The following ERC2 variants were observed in gnomAD, a reference collection of about 807,000 sequenced individuals.
The protein encoded by ERC2 is ELKS/RAB6-interacting/CAST family member 2, also known as ERC protein 2.
A neutral mutation model predicts 114.8 loss-of-function variants in ERC2; 42 were observed. The observed-to-expected ratio is 0.37, with a 90% CI of 0.29 to 0.47. The LOEUF (loss-of-function observed/expected upper bound fraction) is 0.47, where lower values mean the gene tolerates loss of function less well. Ranked by LOEUF, ERC2 falls within the 20% of genes least tolerant of loss-of-function variation. The pLI, the probability that ERC2 is intolerant of heterozygous loss-of-function variation, is 0.99. For synonymous variants in ERC2, 454 were observed against 425.5 expected, an observed-to-expected ratio of 1.07 and a Z score of -0.82; for missense variants, 939 against 1,150.7, an observed-to-expected ratio of 0.82 and a Z score of 2.66.
At chr3:56,239,370 G>C (rs1266443802) in intron 3 of ERC2, among the ~76,000 whole-genome samples, 1 of 152,134 alleles carries the variant, frequency 6.6e-6, no homozygotes, top group African/African-American at 2.4e-5. Context: ...GCCAGGCATG[G>C]TGGCATGCGC....
intron 7 of ERC2, among the ~76,000 whole-genome samples, chr3:56,021,130 AC>A (rs1326103065): frequency 1.3e-5 from 2 of 152,186 alleles, no homozygotes; most frequent in African/African-American, 2.4e-5. Context: ...CAAAAAGATC[AC>A]CAAGAATGAC....
rs146863752 is a variant in ERC2, at chr3:55,771,456, G to T, written c.2565-36538C>A. On this transcript the variant is annotated intron_variant, in intron 14 of 17. Transcript: ENST00000288221. ...TGCACAGAAGGGGAAACTGAGTCTG[G>T]GAGCCCAGAGTTAGACAAAAGTTAG... Among the ~76,000 whole-genome samples, 367 of 152,274 alleles carry T rather than the reference G, an allele frequency of 2.4e-3. 1 individual carries two copies. The highest frequency in any genetic ancestry group is 8.3e-3 in the African/African-American group (344 of 41,560).
chr3:56,141,129 T>C (rs561656042), intron 5 of ERC2, among the ~76,000 whole-genome samples: 40 of 152,366 alleles, frequency 2.6e-4, no homozygotes, highest in South Asian at 8.3e-4. Flanking sequence ...TAATAACTTA[T>C]GTCACTGGTC....
intron 13 of ERC2, among the ~76,000 whole-genome samples, chr3:55,909,464 G>A (rs1007945793): frequency 3.9e-5 from 6 of 152,172 alleles, no homozygotes; most frequent in Non-Finnish European, 5.9e-5. Context: ...AATAAGCAGG[G>A]AGTAGCTGGG....
intron 3 of ERC2, among the ~76,000 whole-genome samples, chr3:56,187,837 C>T (rs766386144): frequency 5.9e-5 from 9 of 152,126 alleles, no homozygotes; most frequent in East Asian, 1.9e-4. Flanking sequence ...AATGTCAACT[C>T]GCTAGCCCTA....
intron 14 of ERC2, among the ~76,000 whole-genome samples, 188 bp from the exon 15 acceptor site, chr3:55,735,106 T>C (rs1165011846): frequency 6.6e-6 from 1 of 152,204 alleles, no homozygotes; most frequent in East Asian, 1.9e-4. Context: ...TCCCTGAGAC[T>C]GCACACTGCA....
intron 17 of ERC2, among the ~76,000 whole-genome samples, chr3:55,569,058 C>A (rs2056547092): frequency 6.6e-6 from 1 of 152,162 alleles, no homozygotes; most frequent in African/African-American, 2.4e-5. Context: ...CTCACGGAAG[C>A]ATTCCCTTGG....
At chr3:55,819,560 AT>A (rs2060037630) in intron 14 of ERC2, among the ~76,000 whole-genome samples, 1 of 152,188 alleles carries the variant, frequency 6.6e-6, no homozygotes, top group South Asian at 2.1e-4. Flanking sequence ...GAACTACACT[AT>A]TTATTTTGGC....
At chr3:55,998,703 G>A (rs779602816) in intron 10 of ERC2, among the ~76,000 whole-genome samples, 24 of 152,272 alleles carry the variant, frequency 1.6e-4, no homozygotes, top group East Asian at 3.9e-4. Context: ...AGCCCATTAC[G>A]TTCCTGGGAC....
chr3:55,747,831 T>C (rs4955875), intron 14 of ERC2, among the ~76,000 whole-genome samples: 28,056 of 152,242 alleles, frequency 0.18, 2,859 homozygotes, highest in Admixed American at 0.29. Flanking sequence ...ACCTGAAGCC[T>C]TGCACTGCTA....
At chr3:55,689,308 C>G (rs1430470725) in intron 16 of ERC2, among the ~76,000 whole-genome samples, 1 of 151,912 alleles carries the variant, frequency 6.6e-6, no homozygotes, top group Non-Finnish European at 1.5e-5. Flanking sequence ...AACTAGTTTT[C>G]TATTTCCTTC....
chr3:56,179,175 A>C (rs2083150181), intron 3 of ERC2, among the ~76,000 whole-genome samples: 1 of 152,288 alleles, frequency 6.6e-6, no homozygotes, highest in East Asian at 1.9e-4. Flanking sequence ...CACTGACTGG[A>C]CAAGCTTCAT....
chr3:56,070,995 G>A (rs983689346), intron 7 of ERC2, among the ~76,000 whole-genome samples: 33 of 152,168 alleles, frequency 2.2e-4, no homozygotes, highest in Non-Finnish European at 1.5e-5. Context: ...CTGGCTAGGT[G>A]AGGTGCCCCT....
Position 55,967,822 on chromosome 3 carries a change from C to T in ERC2, c.2268-17262G>A, listed in dbSNP as rs578006242. Among the ~76,000 whole-genome samples the T allele has an allele frequency of 1.8e-4, 28 of 152,280 alleles. 1 individual carries two copies. Among genetic ancestry groups the T allele is most frequent in the Middle Eastern group, 6.8e-3 (2 of 294 alleles). ...CTTATGAAAGGACAAGTTCAGCCCT[C>T]TCTCACCGTTTCTGTTGTACTCTCT... On this transcript the variant is annotated intron_variant, in intron 12 of 17. Coordinates refer to ENST00000288221, the MANE Select transcript of ERC2 (RefSeq NM_015576.3).
At chr3:55,633,775 A>G (rs956988926) in intron 17 of ERC2, among the ~76,000 whole-genome samples, 2 of 152,220 alleles carry the variant, frequency 1.3e-5, no homozygotes, top group African/African-American at 2.4e-5. Flanking sequence ...TTCTCCTTTC[A>G]TATTTCATTC....
intron 14 of ERC2, among the ~76,000 whole-genome samples, chr3:55,788,918 C>A (rs1401728418): frequency 6.6e-6 from 1 of 152,198 alleles, no homozygotes; most frequent in Non-Finnish European, 1.5e-5. Context: ...ACATAACCAG[C>A]ACCCAAAGCC....
intron 14 of ERC2, among the ~76,000 whole-genome samples, chr3:55,820,534 C>A (rs1447479248): frequency 6.6e-6 from 1 of 152,124 alleles, no homozygotes; most frequent in African/African-American, 2.4e-5. Context: ...TGGTGTCTGA[C>A]CTTATTCTGA....
chr3:56,335,121 A>C (rs890812779), intron 2 of ERC2, among the ~76,000 whole-genome samples: 4 of 152,172 alleles, frequency 2.6e-5, no homozygotes, highest in African/African-American at 9.7e-5. Flanking sequence ...GCTATTTCTA[A>C]TGGGCATAGG....
At chr3:55,788,460 C>T (rs2069693815) in intron 14 of ERC2, among the ~76,000 whole-genome samples, 1 of 152,176 alleles carries the variant, frequency 6.6e-6, no homozygotes, top group African/African-American at 2.4e-5. Context: ...ACCAAAACCA[C>T]AGCATAAAAA....
Sources: allele counts gnomAD v4.1 joint callset (sites outside exome capture counted in the v4.1 genomes callset), GRCh38; gene constraint gnomAD v4.1.1; transcripts MANE v1.5; gene names NCBI Gene and HGNC (gene_info 2026-07-23, HGNC 2026-07-21).